The following MAGI1 variants were observed in gnomAD, a reference collection of about 807,000 sequenced individuals.
MAGI1 encodes the protein membrane-associated guanylate kinase, WW and PDZ domain-containing protein 1.
A neutral mutation model predicts 139.9 loss-of-function variants in MAGI1; 58 were observed. That is an observed-to-expected ratio of 0.41 (90% CI 0.34 to 0.52). The LOEUF (loss-of-function observed/expected upper bound fraction) is 0.52, where lower values mean the gene tolerates loss of function less well. Among genes scored for constraint, MAGI1 ranks in the 20% least tolerant of loss-of-function variants. The pLI is 0.12. For missense variants in MAGI1, 1,874 were observed against 1,901.6 expected (o/e 0.99, Z 0.27); for synonymous variants, 812 against 737.9 (o/e 1.10, Z -1.63).
chr3:65,478,701 C>T lies in MAGI1; in HGVS notation c.648G>A (p.Gln216=). 1 of 1,614,084 alleles carries T rather than the reference C, an allele frequency of 6.2e-7. No individual in the cohort carries two copies. Among genetic ancestry groups the T allele is most frequent in the African/African-American group, 1.3e-5 (1 of 75,024 alleles). Residue 216 remains glutamine (Q), a synonymous_variant, in exon 4 of 23, where the codon CAG becomes CAA. Coordinates refer to ENST00000402939, the MANE Select transcript of MAGI1 (RefSeq NM_001033057.2). ...ALHSLQSGSK[Q]STPKRTKSYN... is the part of the protein sequence containing the mutation. ...AGGACTTGGTTCGCTTCGGGGTCGA[C>T]TGCTTAGAGCCAGACTGAAGGCTGT...
At position 65,368,679 on chromosome 3, in the gene MAGI1, G is replaced by A. The variant is rs1044814664; in HGVS notation, c.3197-3733C>T. Among the ~76,000 whole-genome samples the A allele has an allele frequency of 2.6e-5, 4 of 152,170 alleles. No individual in the cohort carries two copies. In the East Asian group the frequency reaches 5.8e-4, roughly 22 times the overall value. Reference sequence around the variant, plus strand: ...TGTAATAAATATCTAAGGGCGGCATGGGGAAATTTGAATCCCATAAATATT... The same window carrying A: ...TGTAATAAATATCTAAGGGCGGCATAGGGAAATTTGAATCCCATAAATATT... On this transcript the variant is annotated intron_variant, in intron 18 of 22. Transcript: ENST00000402939.
intron 1 of MAGI1, among the ~76,000 whole-genome samples, chr3:65,950,769 A>T (rs1219173907): frequency 6.6e-6 from 1 of 152,166 alleles, no homozygotes; most frequent in Non-Finnish European, 1.5e-5. Flanking sequence ...AATCAAATGA[A>T]GTCCCAGACA....
intron 18 of MAGI1, chr3:65,371,784 A>G: frequency 4.2e-6 from 1 of 240,934 alleles, no homozygotes; most frequent in Non-Finnish European, 8.7e-6. Flanking sequence ...ATTCCATCTC[A>G]AGAAACCATT....
chr3:65,404,125 G>C (rs937573606), intron 12 of MAGI1, among the ~76,000 whole-genome samples: 2 of 152,218 alleles, frequency 1.3e-5, no homozygotes, highest in Admixed American at 1.3e-4. Flanking sequence ...TAGTGGCAAG[G>C]AGGGGCAAGG....
At chr3:65,838,348 T>A (rs1332701848) in intron 1 of MAGI1, among the ~76,000 whole-genome samples, 2 of 151,904 alleles carry the variant, frequency 1.3e-5, no homozygotes, top group Non-Finnish European at 2.9e-5. Context: ...GATACACAAA[T>A]ATTTCATCAC....
intron 12 of MAGI1, among the ~76,000 whole-genome samples, chr3:65,416,977 T>C (rs1457834117): frequency 6.6e-6 from 1 of 152,080 alleles, no homozygotes. Flanking sequence ...CAGATGGTGG[T>C]AAAGAACGTG....
intron 1 of MAGI1, among the ~76,000 whole-genome samples, chr3:65,722,035 T>A (rs2033092490): frequency 6.6e-6 from 1 of 152,156 alleles, no homozygotes; most frequent in Non-Finnish European, 1.5e-5. Context: ...TCCCTGTTGC[T>A]GACCTCCTTC....
intron 1 of MAGI1, among the ~76,000 whole-genome samples, chr3:65,783,802 C>A (rs1382648524): frequency 2.3e-4 from 2 of 8,674 alleles, no homozygotes; most frequent in Non-Finnish European, 6.8e-4. Context: ...CCAGCCTGTA[C>A]CAAAAAAAAA....
intron 1 of MAGI1, among the ~76,000 whole-genome samples, chr3:65,748,962 C>T (rs2107812666): frequency 6.6e-6 from 1 of 152,212 alleles, no homozygotes; most frequent in Non-Finnish European, 1.5e-5. Flanking sequence ...ATAGGGGTGG[C>T]AATGGTGATC....
intron 2 of MAGI1, among the ~76,000 whole-genome samples, chr3:65,527,720 G>T (rs1364643693): frequency 2.0e-5 from 3 of 150,600 alleles, no homozygotes; most frequent in Admixed American, 6.6e-5. Flanking sequence ...GCGAGACTCT[G>T]TCTCAAAAAA....
At chr3:65,492,366 T>C (rs984709051) in intron 3 of MAGI1, among the ~76,000 whole-genome samples, 1 of 152,246 alleles carries the variant, frequency 6.6e-6, no homozygotes, top group Non-Finnish European at 1.5e-5. Context: ...CTGTATGAAA[T>C]GATACATCCA....
rs372819560 is a variant in MAGI1 at position 65,878,110 on chromosome 3, C to CA, written c.313+159885dup. 7.7e-3 allele frequency among the ~76,000 whole-genome samples: 1,114 copies of CA among 144,736 alleles called. 14 individuals are homozygous for CA. Among genetic ancestry groups the CA allele is most frequent in the East Asian group, 0.058 (291 of 4,976 alleles). The allele number at this position is 144,736 out of a possible 152,430, so 95.0% of individuals were successfully genotyped here. A position where few individuals can be genotyped will look rare whatever the true frequency, so the allele number is the denominator to read the frequency against. On this transcript the variant is annotated intron_variant, in intron 1 of 22. Coordinates refer to ENST00000402939, the MANE Select transcript of MAGI1 (RefSeq NM_001033057.2). ...TACGTGACAGAGTGAGGTTCTGTCT[C>CA]AAAAAAAAAAGGAAAAAAAACACAG...
chr3:65,829,950 G>A (rs2042436851), intron 1 of MAGI1, among the ~76,000 whole-genome samples: 1 of 152,132 alleles, frequency 6.6e-6, no homozygotes. Flanking sequence ...ATTCTACTTT[G>A]GATTCAGCAA....
At chr3:65,379,616 C>T (rs1271443494) in intron 16 of MAGI1, 62 bp from the exon 17 acceptor site, 2 of 1,548,668 alleles carry the variant, frequency 1.3e-6, no homozygotes, top group Non-Finnish European at 1.7e-6. Flanking sequence ...CCTGCTGCCC[C>T]TCCCTCCTTC....
intron 1 of MAGI1, among the ~76,000 whole-genome samples, chr3:65,903,095 C>T (rs1254208127): frequency 5.9e-5 from 9 of 152,054 alleles, no homozygotes; most frequent in South Asian, 2.1e-4. Flanking sequence ...CTAAAGCAAT[C>T]CCCCCACCTC....
At chr3:65,648,920 T>TTTTCATGAAGATACAAAAGCAA (rs1162251731) in intron 1 of MAGI1, among the ~76,000 whole-genome samples, 2 of 152,118 alleles carry the variant, frequency 1.3e-5, no homozygotes, top group African/African-American at 4.8e-5. Context: ...CCCAACTGAT[T>TTTTCATGAAGATACAAAAGCAA]TTTCATGAAG....
intron 1 of MAGI1, among the ~76,000 whole-genome samples, chr3:65,987,169 A>G (rs1202922561): frequency 1.3e-5 from 2 of 152,096 alleles, no homozygotes; most frequent in African/African-American, 4.8e-5. Context: ...CGCCTGGCCT[A>G]AAGAAGGGAT....
chr3:65,398,866 T>G (rs1363216577), intron 13 of MAGI1, among the ~76,000 whole-genome samples: 1 of 152,116 alleles, frequency 6.6e-6, no homozygotes, highest in Non-Finnish European at 1.5e-5. Flanking sequence ...AATTTCAACA[T>G]TTAAACTAAA....
At chr3:65,373,942 A>C (rs1023785428) in intron 18 of MAGI1, among the ~76,000 whole-genome samples, 6 of 152,174 alleles carry the variant, frequency 3.9e-5, no homozygotes, top group Non-Finnish European at 8.8e-5. Context: ...TTTTGCATTT[A>C]CCTTTTCCGT....
Sources: gnomAD v4.1 joint callset for allele counts (sites outside exome capture counted in the v4.1 genomes callset) on GRCh38, gnomAD v4.1.1 for gene constraint, MANE v1.5 for transcripts, NCBI Gene and HGNC (gene_info 2026-07-23, HGNC 2026-07-21) for gene names.